Variants in CDK19 observed in about 807,000 individuals in gnomAD.
CDK19 encodes the protein cyclin-dependent kinase 19.
CDK19 carries 20 observed loss-of-function variants against 68.3 expected under a neutral mutation model. The ratio of observed to expected loss-of-function variants is 0.29; its 90% confidence interval spans 0.21 to 0.43. The LOEUF is 0.43. CDK19 is among the 20% of genes least tolerant of loss of function. The pLI is 1.00. For synonymous variants in CDK19, 221 were observed against 222.8 expected, an observed-to-expected ratio of 0.99 and a Z score of 0.07; for missense variants, 339 against 623.5, an observed-to-expected ratio of 0.54 and a Z score of 4.86.
intron 1 of CDK19, among the ~76,000 whole-genome samples, chr6:110,810,709 G>C (rs752788989): frequency 3.3e-5 from 5 of 151,844 alleles, no homozygotes; most frequent in Admixed American, 6.6e-5. Flanking sequence ...AAGAGGCGGA[G>C]GTTGCAGTGA....
At chr6:110,803,102 CAG>C (rs1198138933) in intron 1 of CDK19, among the ~76,000 whole-genome samples, 2 of 151,788 alleles carry the variant, frequency 1.3e-5, no homozygotes, top group Non-Finnish European at 2.9e-5. Flanking sequence ...TCTTTTGAGA[CAG>C]AGTCTTGCTC....
chr6:110,726,551 G>A lies in CDK19; in HGVS notation c.204+19575C>T, dbSNP rs180944880. 3.3e-5 allele frequency among the ~76,000 whole-genome samples: 5 copies of A among 152,300 alleles called. No individual in the cohort carries two copies. In the East Asian group the frequency reaches 9.6e-4, roughly 29 times the overall value. On this transcript the variant is annotated intron_variant, in intron 2 of 12. Coordinates refer to ENST00000368911, the MANE Select transcript of CDK19 (RefSeq NM_015076.5). ...AGTTATAGATACCTAAGTGAATAGG[G>A]TGGGGAGGGATCTTAAATCTTAATT...
intron 2 of CDK19, among the ~76,000 whole-genome samples, chr6:110,687,618 C>A (rs1197563018): frequency 6.6e-6 from 1 of 152,166 alleles, no homozygotes; most frequent in Non-Finnish European, 1.5e-5. Flanking sequence ...GGATGAGCTT[C>A]CACAATGAAG....
At chr6:110,812,076 T>A (rs953383519) in intron 1 of CDK19, among the ~76,000 whole-genome samples, 2 of 151,416 alleles carry the variant, frequency 1.3e-5, no homozygotes, top group East Asian at 1.9e-4. Flanking sequence ...AAAAGGAGAG[T>A]TGGGTCAAAA....
intron 6 of CDK19, among the ~76,000 whole-genome samples, chr6:110,629,861 T>C (rs1779332096): frequency 6.6e-6 from 1 of 152,256 alleles, no homozygotes; most frequent in Non-Finnish European, 1.5e-5. Flanking sequence ...TTAGTGATTA[T>C]GTTTTTATCT....
At chr6:110,675,969 T>C (rs1177641552) in intron 2 of CDK19, among the ~76,000 whole-genome samples, 1 of 152,224 alleles carries the variant, frequency 6.6e-6, no homozygotes, top group Non-Finnish European at 1.5e-5. Context: ...CATGAAGCTA[T>C]AGCTGCCATA....
chr6:110,668,399 T>C (rs1178155899), intron 3 of CDK19, among the ~76,000 whole-genome samples: 2 of 152,236 alleles, frequency 1.3e-5, no homozygotes, highest in Non-Finnish European at 2.9e-5. Context: ...ATACAGCTTT[T>C]TTATTTTTAT....
chr6:110,749,936 T>C (rs1160613449), intron 1 of CDK19, among the ~76,000 whole-genome samples: 1 of 143,408 alleles, frequency 7.0e-6, no homozygotes, highest in Non-Finnish European at 1.5e-5. Context: ...CACACCCAGA[T>C]AATTTTTGTA....
chr6:110,754,893 G>C (rs948862370), intron 1 of CDK19, among the ~76,000 whole-genome samples: 1 of 151,970 alleles, frequency 6.6e-6, no homozygotes, highest in Non-Finnish European at 1.5e-5. Flanking sequence ...ATTTATTTCA[G>C]AAATATGTTA....
At chr6:110,626,677 G>A in intron 8 of CDK19, 99 bp downstream of exon 8, 1 of 724,382 alleles carries the variant, frequency 1.4e-6, no homozygotes, top group East Asian at 2.6e-5. Flanking sequence ...CAGCCTCAAG[G>A]ACTGGGAGAA....
At chr6:110,723,141 A>AC (rs1308789601) in intron 2 of CDK19, among the ~76,000 whole-genome samples, 1 of 100,290 alleles carries the variant, frequency 1.0e-5, no homozygotes, top group East Asian at 2.0e-4. Context: ...TTGTCAAAAA[A>AC]AACAAAAAAC....
chr6:110,789,172 T>A (rs1185656947), intron 1 of CDK19, among the ~76,000 whole-genome samples: 3 of 152,274 alleles, frequency 2.0e-5, no homozygotes, highest in African/African-American at 7.2e-5. Flanking sequence ...GTGAATTTTA[T>A]GTAGTTATGA....
chr6:110,754,709 T>A (rs1216129064), intron 1 of CDK19, among the ~76,000 whole-genome samples: 5 of 152,120 alleles, frequency 3.3e-5, no homozygotes, highest in African/African-American at 7.2e-5. Flanking sequence ...CTCGATCTCC[T>A]GACCTCGTGA....
At chr6:110,774,287 T>A (rs892613093) in intron 1 of CDK19, among the ~76,000 whole-genome samples, 2 of 152,036 alleles carry the variant, frequency 1.3e-5, no homozygotes, top group African/African-American at 2.4e-5. Context: ...CCAATACATA[T>A]GCAGTAGTCC....
At chr6:110,799,104 C>A (rs1245736232) in intron 1 of CDK19, among the ~76,000 whole-genome samples, 1 of 132,328 alleles carries the variant, frequency 7.6e-6, no homozygotes, top group South Asian at 2.5e-4. Context: ...GATCATGCCA[C>A]TGCACTCCAA....
At chr6:110,721,396 GACTTCA>G (rs1238513489) in intron 2 of CDK19, among the ~76,000 whole-genome samples, 1 of 152,042 alleles carries the variant, frequency 6.6e-6, no homozygotes, top group Non-Finnish European at 1.5e-5. Context: ...GAGTTTGGAG[GACTTCA>G]CCAAGGCCTC....
chr6:110,812,026 G>A (rs745838738), intron 1 of CDK19, among the ~76,000 whole-genome samples: 2 of 151,340 alleles, frequency 1.3e-5, no homozygotes, highest in Admixed American at 1.3e-4. Context: ...AGCAAGACCC[G>A]GTCTCTACAA....
At chr6:110,688,818 G>A (rs968350610) in intron 2 of CDK19, among the ~76,000 whole-genome samples, 1 of 152,232 alleles carries the variant, frequency 6.6e-6, no homozygotes, top group Admixed American at 6.5e-5. Context: ...AACTCAGGCA[G>A]TGGCTGCAGG....
rs928067804 is a variant in CDK19, at chr6:110,681,277, C to G, written c.205-10736G>C. Among the ~76,000 whole-genome samples the G allele has an allele frequency of 2.6e-5, 4 of 152,092 alleles. No homozygotes were observed. The South Asian group carries it at 8.3e-4, about 32-fold the overall frequency. ...AGGACAATCGCTTGAACCCGGGAGA[C>G]AGAGGTTGCAGTGAGCCAAGATCGC... On this transcript the variant is annotated intron_variant, in intron 2 of 12. Coordinates refer to ENST00000368911, the MANE Select transcript of CDK19 (RefSeq NM_015076.5).
Sources: gnomAD v4.1 joint callset for allele counts (sites outside exome capture counted in the v4.1 genomes callset) on GRCh38, gnomAD v4.1.1 for gene constraint, MANE v1.5 for transcripts, NCBI Gene and HGNC (gene_info 2026-07-23, HGNC 2026-07-21) for gene names.